Variants in PTPRM observed in about 807,000 individuals in gnomAD.
PTPRM encodes receptor-type tyrosine-protein phosphatase mu.
In PTPRM, 47 loss-of-function variants were observed where a neutral mutation model predicts 186.7. That is an observed-to-expected ratio of 0.25 (90% CI 0.20 to 0.32). PTPRM has a LOEUF of 0.32. Among genes scored for constraint, PTPRM ranks in the 10% least tolerant of loss-of-function variants. The pLI is 1.00. For synonymous variants in PTPRM, 668 were observed against 674.9 expected, an observed-to-expected ratio of 0.99 and a Z score of 0.16; for missense variants, 1,494 against 1,865.0, an observed-to-expected ratio of 0.80 and a Z score of 3.66.
At chr18:8,050,243 C>T (rs903830158) in intron 7 of PTPRM, among the ~76,000 whole-genome samples, 2 of 152,148 alleles carry the variant, frequency 1.3e-5, no homozygotes, top group African/African-American at 4.8e-5. Context: ...GTTCTGTGAT[C>T]TCTTTGATAG....
chr18:8,127,551 C>T (rs2092402280), intron 13 of PTPRM, among the ~76,000 whole-genome samples: 1 of 151,818 alleles, frequency 6.6e-6, no homozygotes, highest in Non-Finnish European at 1.5e-5. Context: ...CCTGTGACTG[C>T]AGTCAGGGTG....
intron 3 of PTPRM, among the ~76,000 whole-genome samples, chr18:7,891,861 C>T (rs757144850): frequency 1.4e-4 from 22 of 152,010 alleles, no homozygotes; most frequent in South Asian, 1.2e-3. Context: ...GGAGACAGAA[C>T]GAGACCCTGT....
chr18:8,327,477 G>A (rs763964415), intron 22 of PTPRM, among the ~76,000 whole-genome samples: 4 of 152,240 alleles, frequency 2.6e-5, no homozygotes, highest in African/African-American at 4.8e-5. Context: ...GATTCAATAA[G>A]TATGCACCAC....
chr18:8,001,776 T>C (rs368741089), intron 7 of PTPRM, among the ~76,000 whole-genome samples: 9 of 152,306 alleles, frequency 5.9e-5, no homozygotes, highest in African/African-American at 1.9e-4. Context: ...CCTGGTGAGA[T>C]TGAATAACAT....
At chr18:7,758,899 C>T (rs2041635437) in intron 1 of PTPRM, among the ~76,000 whole-genome samples, 1 of 152,064 alleles carries the variant, frequency 6.6e-6, no homozygotes, top group Non-Finnish European at 1.5e-5. Context: ...TCCCCTGAAC[C>T]CAGGGTAAAA....
intron 14 of PTPRM, among the ~76,000 whole-genome samples, chr18:8,240,827 A>AG (rs1555814051): frequency 0.12 from 2,566 of 21,488 alleles, 187 homozygotes; most frequent in Non-Finnish European, 0.15. Flanking sequence ...AGAGAGAGAG[A>AG]AAGAAAGAAA....
At chr18:7,776,549 A>G (rs1240698668) in intron 2 of PTPRM, among the ~76,000 whole-genome samples, 3 of 151,632 alleles carry the variant, frequency 2.0e-5, no homozygotes, top group African/African-American at 7.3e-5. Flanking sequence ...AACTTTAGTC[A>G]TTAGAAATTG....
intron 1 of PTPRM, among the ~76,000 whole-genome samples, chr18:7,574,296 C>G (rs919069957): frequency 2.0e-5 from 3 of 152,202 alleles, no homozygotes; most frequent in Non-Finnish European, 2.9e-5. Context: ...AAAAAGTTTC[C>G]TATGTTTTTA....
At chr18:7,786,303 G>T (rs2043094778) in intron 2 of PTPRM, among the ~76,000 whole-genome samples, 1 of 152,150 alleles carries the variant, frequency 6.6e-6, no homozygotes. Flanking sequence ...GTGTCTAATT[G>T]GATATGTGGG....
At chr18:7,877,266 T>C (rs1488850993) in intron 2 of PTPRM, among the ~76,000 whole-genome samples, 2 of 152,180 alleles carry the variant, frequency 1.3e-5, no homozygotes, top group African/African-American at 2.4e-5. Context: ...TCACTCCACG[T>C]TGCACCTAGA....
At chr18:8,239,806 A>G (rs1408576470) in intron 14 of PTPRM, among the ~76,000 whole-genome samples, 2 of 152,232 alleles carry the variant, frequency 1.3e-5, no homozygotes, top group African/African-American at 2.4e-5. Flanking sequence ...ATGCCAGGCT[A>G]GAAACCACCA....
intron 1 of PTPRM, among the ~76,000 whole-genome samples, chr18:7,683,971 G>A (rs1488024488): frequency 6.6e-6 from 1 of 152,078 alleles, no homozygotes; most frequent in Non-Finnish European, 1.5e-5. Context: ...GCTTTTCAAG[G>A]CTATCTGCCT....
intron 7 of PTPRM, among the ~76,000 whole-genome samples, chr18:7,992,764 G>C (rs923057111): frequency 5.9e-5 from 9 of 151,920 alleles, no homozygotes; most frequent in African/African-American, 1.9e-4. Flanking sequence ...TGATATTTCT[G>C]GTCAAGAAAA....
chr18:8,346,153 G>A (rs538147847), intron 23 of PTPRM, among the ~76,000 whole-genome samples: 6 of 152,324 alleles, frequency 3.9e-5, no homozygotes, highest in East Asian at 1.9e-4. Flanking sequence ...CCACCAGCCC[G>A]GCCTAGAAGA....
rs2036489363 is a variant in PTPRM, at chr18:7,568,507, C to G, written c.73+616C>G. On this transcript the variant is annotated intron_variant, in intron 1 of 32. Transcript: ENST00000580170. This position sits in a 1 kb window ranked among gnomAD's most constrained non-coding sequence, Gnocchi z 5.1. ...AGGCTGGGGGGAGTTCCTCGCCGGT[C>G]CCAGCGGTAGGGCTTGGCGGCCGCG... 6.6e-6 allele frequency among the ~76,000 whole-genome samples: 1 copy of G among 152,194 alleles called. No homozygotes were observed. The highest frequency in any genetic ancestry group is 2.1e-4 in the South Asian group (1 of 4,832).
At chr18:7,704,906 T>C (rs953586964) in intron 1 of PTPRM, among the ~76,000 whole-genome samples, 1 of 152,186 alleles carries the variant, frequency 6.6e-6, no homozygotes, top group East Asian at 1.9e-4. Context: ...ATTTACATTA[T>C]TCAATTTTTA....
rs553571710 is a variant in PTPRM, at chr18:7,713,628, C to T, written c.74-60521C>T. Among the ~76,000 whole-genome samples, 4 of 149,228 alleles carry T rather than the reference C, an allele frequency of 2.7e-5. No homozygotes were observed. In the East Asian group the frequency reaches 8.0e-4, roughly 30 times the overall value. Reference sequence around the variant, plus strand: ...AGTGTGCTGTATTCAGGAGACCCATCTTATGTGCAAAAACACGCATAGGCT... The same window carrying T: ...AGTGTGCTGTATTCAGGAGACCCATTTTATGTGCAAAAACACGCATAGGCT... On this transcript the variant is annotated intron_variant, in intron 1 of 32. Transcript: ENST00000580170.
chr18:8,368,079 A>G (rs1219512835), intron 23 of PTPRM, among the ~76,000 whole-genome samples: 1 of 152,000 alleles, frequency 6.6e-6, no homozygotes, highest in Admixed American at 6.6e-5. Flanking sequence ...AATTATTTTT[A>G]AAGTGTGCCT....
At chr18:7,876,369 T>A (rs751990094) in intron 2 of PTPRM, among the ~76,000 whole-genome samples, 3 of 151,372 alleles carry the variant, frequency 2.0e-5, no homozygotes, top group Non-Finnish European at 2.9e-5. Flanking sequence ...TTAAAAACTT[T>A]AAAAAAAAAC....
Sources: allele counts gnomAD v4.1 joint callset (sites outside exome capture counted in the v4.1 genomes callset), GRCh38; gene constraint gnomAD v4.1.1; non-coding constraint Gnocchi (gnomAD v3.1); transcripts MANE v1.5; gene names NCBI Gene and HGNC (gene_info 2026-07-23, HGNC 2026-07-21).